The following SPATA17 variants were observed in gnomAD, a reference collection of about 807,000 sequenced individuals.
SPATA17 encodes the protein spermatogenesis-associated protein 17.
A neutral mutation model predicts 62.2 loss-of-function variants in SPATA17; 53 were observed. The observed-to-expected ratio is 0.85, with a 90% confidence interval of 0.68 to 1.07. SPATA17 has a LOEUF of 1.07. SPATA17 is among the 50% of genes least tolerant of loss of function. The probability of loss-of-function intolerance (pLI) is 0.00; values close to 1 mark genes in which losing one functional copy is unlikely to be tolerated. For synonymous variants in SPATA17, 146 were observed against 146.8 expected (o/e 0.99, Z 0.04); for missense variants, 466 against 425.5 (o/e 1.10, Z -0.84).
chr1:217,682,937 T>G (rs1301620118), intron 4 of SPATA17, among the ~76,000 whole-genome samples: 1 of 151,968 alleles, frequency 6.6e-6, no homozygotes, highest in Non-Finnish European at 1.5e-5. Flanking sequence ...AAAAAATTGA[T>G]TTGCCCAGGA....
intron 9 of SPATA17, among the ~76,000 whole-genome samples, chr1:217,824,270 TA>T (rs1335464400): frequency 1.3e-5 from 2 of 152,006 alleles, no homozygotes; most frequent in Non-Finnish European, 2.9e-5. Flanking sequence ...TACTTTGGGA[TA>T]TTTTGTTGAA....
chr1:217,755,264 T>C (rs1437811404), intron 6 of SPATA17, among the ~76,000 whole-genome samples: 1 of 152,118 alleles, frequency 6.6e-6, no homozygotes, highest in Non-Finnish European at 1.5e-5. Context: ...TCAATTGCTG[T>C]CTCTATCTAC....
chr1:217,786,693 T>G (rs1373020147), intron 8 of SPATA17, among the ~76,000 whole-genome samples: 1 of 152,128 alleles, frequency 6.6e-6, no homozygotes, highest in East Asian at 1.9e-4. Context: ...AGGATAAATA[T>G]TGCAGAAACT....
chr1:217,656,312 T>C (rs895938362), intron 3 of SPATA17, among the ~76,000 whole-genome samples: 5 of 152,200 alleles, frequency 3.3e-5, no homozygotes, highest in Non-Finnish European at 5.9e-5. Flanking sequence ...CTTTTAAGAG[T>C]TCAAATAATA....
At chr1:217,766,546 T>A (rs994844823) in intron 6 of SPATA17, among the ~76,000 whole-genome samples, 1 of 152,044 alleles carries the variant, frequency 6.6e-6, no homozygotes, top group African/African-American at 2.4e-5. Context: ...AGCATTTATA[T>A]GCATATGCCT....
rs1672701678 is a variant in SPATA17, at chr1:217,744,457, C to T, written c.519+2359C>T. 6.9e-5 allele frequency among the ~76,000 whole-genome samples: 2 copies of T among 29,022 alleles called. 1 individual carries two copies. Among genetic ancestry groups the T allele is most frequent in the East Asian group, 1.1e-3 (2 of 1,802 alleles). 19.0% of individuals were successfully genotyped at this position (29,022 alleles called of 152,430 possible). On this transcript the variant is annotated intron_variant, in intron 6 of 10. Transcript: ENST00000366933. ...CAGCCTGGGCGACAGAGCGAGACTC[C>T]GTCTCAAAAAAAAAAAAAAAAAAAA...
chr1:217,733,386 C>T (rs1349928381), intron 5 of SPATA17, among the ~76,000 whole-genome samples: 2 of 152,156 alleles, frequency 1.3e-5, no homozygotes, highest in Non-Finnish European at 2.9e-5. Flanking sequence ...TCCTCTGTAT[C>T]CCTGCTCTCT....
chr1:217,634,397 CA>C (rs1017110332), intron 1 of SPATA17, among the ~76,000 whole-genome samples: 1 of 152,004 alleles, frequency 6.6e-6, no homozygotes, highest in African/African-American at 2.4e-5. Flanking sequence ...GAGATGAAAT[CA>C]TAGAGGGTGG....
chr1:217,750,370 C>A (rs1672877244), intron 6 of SPATA17, among the ~76,000 whole-genome samples: 1 of 151,862 alleles, frequency 6.6e-6, no homozygotes, highest in African/African-American at 2.4e-5. Context: ...GAAAGAGATC[C>A]AGGGATGCTG....
intron 10 of SPATA17, among the ~76,000 whole-genome samples, chr1:217,863,548 T>C (rs1675940602): frequency 6.6e-6 from 1 of 152,166 alleles, no homozygotes; most frequent in South Asian, 2.1e-4. Context: ...TCATTTCAAA[T>C]ATTATACTAA....
At chr1:217,715,492 G>A (rs1421389079) in intron 5 of SPATA17, among the ~76,000 whole-genome samples, 1 of 152,094 alleles carries the variant, frequency 6.6e-6, no homozygotes, top group Non-Finnish European at 1.5e-5. Context: ...CTATTAAAAT[G>A]CATTATCAGC....
At chr1:217,760,128 A>G (rs548823398) in intron 6 of SPATA17, among the ~76,000 whole-genome samples, 2 of 152,194 alleles carry the variant, frequency 1.3e-5, no homozygotes, top group African/African-American at 2.4e-5. Context: ...TATTGACCAA[A>G]TTATTTTTGC....
chr1:217,726,985 C>T (rs929473178), intron 5 of SPATA17, among the ~76,000 whole-genome samples: 10 of 152,038 alleles, frequency 6.6e-5, no homozygotes, highest in African/African-American at 1.9e-4. Context: ...CGGTGGCTTA[C>T]GCCTGTAATC....
In SPATA17 at chr1:217,795,739, C is replaced by T. The variant is rs542354623; in HGVS notation, c.873-5979C>T. ...TGAGTCCCCTCATCTCATCCCCAGA[C>T]CATAGTTTGGAATACGGTGCTCTGG... On this transcript the variant is annotated intron_variant, in intron 8 of 10. Coordinates refer to ENST00000366933, the MANE Select transcript of SPATA17 (RefSeq NM_138796.4). Among the ~76,000 whole-genome samples, 4 of 152,160 alleles carry T rather than the reference C, an allele frequency of 2.6e-5. No individual in the cohort carries two copies. The East Asian group carries it at 7.8e-4, about 29-fold the overall frequency.
intron 9 of SPATA17, among the ~76,000 whole-genome samples, chr1:217,817,993 A>G (rs751224087): frequency 6.6e-6 from 1 of 152,076 alleles, no homozygotes; most frequent in Non-Finnish European, 1.5e-5. Flanking sequence ...GGGAATCTCA[A>G]TTAAATTGAA....
chr1:217,774,436 CAGA>C lies in SPATA17; in HGVS notation c.625_627del (p.Lys209del). 6.2e-7 allele frequency: 1 copy of C among 1,614,102 alleles called. No individual in the cohort carries two copies. Among genetic ancestry groups the C allele is most frequent in the East Asian group, 2.2e-5 (1 of 44,862 alleles). On this transcript the variant is annotated inframe_deletion, in exon 7 of 11. Coordinates refer to ENST00000366933, the MANE Select transcript of SPATA17 (RefSeq NM_138796.4). Reference sequence around the variant, plus strand: ...AACACACCGAAGACCTAAAGTTAAGCAGAAGGACTCCACCAGCCTTACTGATTG... The same window carrying C: ...AACACACCGAAGACCTAAAGTTAAGCAGGACTCCACCAGCCTTACTGATTG...
intron 5 of SPATA17, among the ~76,000 whole-genome samples, chr1:217,706,959 C>T (rs984715770): frequency 3.9e-5 from 6 of 151,930 alleles, no homozygotes; most frequent in South Asian, 2.1e-4. Flanking sequence ...CTCCGCCTCC[C>T]GGGTTCAAGC....
intron 9 of SPATA17, among the ~76,000 whole-genome samples, chr1:217,803,811 A>G (rs957888470): frequency 6.6e-6 from 1 of 152,178 alleles, no homozygotes; most frequent in African/African-American, 2.4e-5. Context: ...TGAGATCAGG[A>G]GTTCGAGACC....
chr1:217,748,266 G>T (rs1455140293), intron 6 of SPATA17, among the ~76,000 whole-genome samples: 1 of 140,798 alleles, frequency 7.1e-6, no homozygotes, highest in Non-Finnish European at 1.5e-5. Flanking sequence ...TCGCACCATT[G>T]CACTCCAGCC....
Sources: allele counts gnomAD v4.1 joint callset (sites outside exome capture counted in the v4.1 genomes callset), GRCh38; gene constraint gnomAD v4.1.1; transcripts MANE v1.5; gene names NCBI Gene and HGNC (gene_info 2026-07-23, HGNC 2026-07-21).